API5: variants seen among roughly 807,000 people sequenced by gnomAD.
The protein encoded by API5 is FIF.
In API5, 6 loss-of-function variants were observed where a neutral mutation model predicts 71.9. That is an observed-to-expected ratio of 0.08 (90% CI 0.05 to 0.16). API5 has a LOEUF of 0.16. Among genes scored for constraint, API5 ranks in the 10% least tolerant of loss-of-function variants. The pLI is 1.00. For synonymous variants in API5, 189 were observed against 221.3 expected (o/e 0.85, Z 1.30); for missense variants, 332 against 612.8 (o/e 0.54, Z 4.84).
In API5 at chr11:43,330,570, T is replaced by G. The variant is rs759879691; in HGVS notation, c.1278+6T>G. The G allele has an allele frequency of 2.6e-6, 4 of 1,567,400 alleles. No individual in the cohort carries two copies. The Admixed American group carries it at 6.8e-5, about 26-fold the overall frequency. ...ATATCAATGTTTTAATCAAGGTAAG[T>G]CTGTAATACCAAGTGACATTTCTGC... On this transcript the variant is annotated splice_donor_region_variant and intron_variant, in intron 11 of 13. Coordinates refer to ENST00000531273, the MANE Select transcript of API5 (RefSeq NM_001142930.2).
intron 4 of API5, 90 bp downstream of exon 4, chr11:43,321,566 A>G: frequency 9.6e-7 from 1 of 1,040,318 alleles, no homozygotes; most frequent in South Asian, 1.6e-5. Flanking sequence ...TCTAGGGTTT[A>G]CCCAGAGTTC....
rs763987783 is a variant in API5 at position 43,326,489 on chromosome 11, T to C, written c.751-18T>C. The stretch of plus-strand genomic sequence containing the variant: ...ATATTTGTTTTTCGACAATGCATTT[T>C]CTTTGGATTTCTTACAGAAAAATGT... On this transcript the variant is annotated intron_variant, in intron 6 of 13. Transcript: ENST00000531273. 7 of 1,507,026 alleles carry C rather than the reference T, an allele frequency of 4.6e-6. No individual in the cohort carries two copies. Among genetic ancestry groups the C allele is most frequent in the Admixed American group, 1.8e-5 (1 of 55,948 alleles). The allele number at this position is 1,507,026 out of a possible 1,614,324, so 93.4% of individuals were successfully genotyped here.
chr11:43,317,781 G>A (rs75930506), intron 1 of API5, among the ~76,000 whole-genome samples: 3,219 of 152,042 alleles, frequency 0.021, 66 homozygotes, highest in East Asian at 0.11. Context: ...GGGTTCAAGC[G>A]ATTCTCCTGC....
chr11:43,314,590 A>C (rs1854606212), intron 1 of API5, among the ~76,000 whole-genome samples: 1 of 152,204 alleles, frequency 6.6e-6, no homozygotes, highest in Non-Finnish European at 1.5e-5. Context: ...ACCATGTACC[A>C]CACACCCGGC....
chr11:43,336,208 CAGTA>C (rs1189443958), intron 13 of API5: 20 of 516,360 alleles, frequency 3.9e-5, no homozygotes, highest in Middle Eastern at 2.9e-4. Flanking sequence ...CAACATTAAA[CAGTA>C]AGCACTTAAA....
chr11:43,328,326 G>A (rs1363547503), intron 8 of API5, among the ~76,000 whole-genome samples: 1 of 152,174 alleles, frequency 6.6e-6, no homozygotes, highest in Admixed American at 6.5e-5. Context: ...TTTGTAGTAA[G>A]CATAGTATAG....
rs567887491 is a variant in API5, at chr11:43,344,439, AT to A, written c.*1936del. On this transcript the variant is annotated 3_prime_UTR_variant, in exon 14 of 14. Transcript: ENST00000531273. ...TTGAATGAAAAACTTAATGCCATGGATTTTTTTCTTTTGCAAGACACCTGTT... is the reference window on the plus strand; with the variant it reads ...TTGAATGAAAAACTTAATGCCATGGATTTTTTCTTTTGCAAGACACCTGTT... The A allele has an allele frequency of 6.6e-6, 1 of 152,334 alleles. No homozygotes were observed. Among genetic ancestry groups the A allele is most frequent in the South Asian group, 2.1e-4 (1 of 4,818 alleles). The allele number at this position is 152,334 out of a possible 1,614,324, so 9.4% of individuals were successfully genotyped here.
At chr11:43,320,745 A>T in intron 2 of API5, 76 bp from the exon 3 acceptor site, 18 of 1,214,630 alleles carry the variant, frequency 1.5e-5, no homozygotes, top group Admixed American at 2.1e-5. Flanking sequence ...AAAAAAAAAA[A>T]GAAAGAAAAG....
chr11:43,331,329 C>G (rs553660381), intron 11 of API5: 2 of 153,612 alleles, frequency 1.3e-5, no homozygotes, highest in Non-Finnish European at 2.9e-5. Context: ...GTATACAACC[C>G]CCCTGCCAAT....
Position 43,323,424 on chromosome 11 carries a change from T to A in API5, c.544-6T>A. Reference sequence around the variant, plus strand: ...ATACTCTTATTCTGAATTGTCTCTTTTCCAGGTCCTAGAAGATGTGACTGG... The same window carrying A: ...ATACTCTTATTCTGAATTGTCTCTTATCCAGGTCCTAGAAGATGTGACTGG... On this transcript the variant is annotated splice_polypyrimidine_tract_variant and splice_region_variant and intron_variant, in intron 5 of 13. Transcript: ENST00000531273. The A allele has an allele frequency of 6.2e-7, 1 of 1,611,240 alleles. No individual in the cohort carries two copies. The highest frequency in any genetic ancestry group is 8.5e-7 in the Non-Finnish European group (1 of 1,177,424).
At chr11:43,323,128 C>T (rs1014752771) in intron 5 of API5, among the ~76,000 whole-genome samples, 1 of 151,622 alleles carries the variant, frequency 6.6e-6, no homozygotes, top group African/African-American at 2.4e-5. Context: ...TAACTGCTCT[C>T]CCATGAAATT....
At chr11:43,338,863 A>G (rs1010893074) in intron 13 of API5, among the ~76,000 whole-genome samples, 17 of 152,128 alleles carry the variant, frequency 1.1e-4, no homozygotes, top group African/African-American at 4.1e-4. Context: ...GGTGTGAATA[A>G]TGAGTATGAT....
chr11:43,315,204 A>G (rs978420137), intron 1 of API5, among the ~76,000 whole-genome samples: 8 of 152,136 alleles, frequency 5.3e-5, no homozygotes, highest in African/African-American at 1.9e-4. Flanking sequence ...AGTGCCTTCT[A>G]AATATATAAG....
chr11:43,313,949 C>T lies in API5; in HGVS notation c.69+1753C>T, dbSNP rs543154584. 5.3e-5 allele frequency among the ~76,000 whole-genome samples: 8 copies of T among 152,114 alleles called. No homozygotes were observed. The South Asian group carries it at 1.5e-3, about 28-fold the overall frequency. On this transcript the variant is annotated intron_variant, in intron 1 of 13. Transcript: ENST00000531273. ...ACTAAAAATACAAAAATTAGCCAGG[C>T]GTGGTGGCATGCGCCTGAAGTCCCA...
chr11:43,318,463 G>A, intron 1 of API5, 177 bp from the exon 2 acceptor site: 3 of 1,535,586 alleles, frequency 2.0e-6, no homozygotes, highest in African/African-American at 1.4e-5. Context: ...CAAAGATGGA[G>A]GGAGAACGGA....
chr11:43,329,532 G>A (rs1855183442), intron 9 of API5, among the ~76,000 whole-genome samples: 1 of 152,142 alleles, frequency 6.6e-6, no homozygotes, highest in South Asian at 2.1e-4. Flanking sequence ...TCATAGAGTT[G>A]TAAGAATTTA....
intron 4 of API5, 86 bp downstream of exon 4, chr11:43,321,562 G>A: frequency 1.8e-6 from 2 of 1,090,340 alleles, no homozygotes; most frequent in Admixed American, 2.5e-5. Context: ...AAACTCTAGG[G>A]TTTACCCAGA....
rs554453351 is a variant in API5, at chr11:43,315,813, G to A, written c.70-2827G>A. Among the ~76,000 whole-genome samples, 15 of 152,070 alleles carry A rather than the reference G, an allele frequency of 9.9e-5. No homozygotes were observed. The South Asian group carries it at 3.1e-3, about 32-fold the overall frequency. On this transcript the variant is annotated intron_variant, in intron 1 of 13. Coordinates refer to ENST00000531273, the MANE Select transcript of API5 (RefSeq NM_001142930.2). Reference sequence around the variant, plus strand: ...CTGATCTCCTTTTCCACTGTACTCTGCCCAGGGCTCCTGACTAGCCATAAT... The same window carrying A: ...CTGATCTCCTTTTCCACTGTACTCTACCCAGGGCTCCTGACTAGCCATAAT...
At position 43,322,050 on chromosome 11, in the gene API5, A is replaced by C; in HGVS notation, c.457A>C (p.Lys153Gln). The change falls in exon 5 of 14, where the codon AAA (lysine) becomes CAA (glutamine). Residue 153 changes from lysine (K) to glutamine (Q), a missense_variant. Transcript: ENST00000531273. ...GGACATTGTTAGAGAACGAGCAATT[A>C]AATTCCTTTCTACAAAACTTAAGAC... is the stretch of plus-strand genomic sequence containing the variant. ...GEDIVRERAI[K>Q]FLSTKLKTLP... The C allele has an allele frequency of 6.2e-7, 1 of 1,613,810 alleles. No individual in the cohort carries two copies. The highest frequency in any genetic ancestry group is 8.5e-7 in the Non-Finnish European group (1 of 1,179,876).
Sources: gnomAD v4.1 joint callset for allele counts (sites outside exome capture counted in the v4.1 genomes callset) on GRCh38, gnomAD v4.1.1 for gene constraint, MANE v1.5 for transcripts, NCBI Gene and HGNC (gene_info 2026-07-23, HGNC 2026-07-21) for gene names.